The following RBFOX1 variants were observed in gnomAD, a reference collection of about 807,000 sequenced individuals.
RBFOX1 encodes the protein RNA binding fox-1 homolog 1, also known as RNA binding protein fox-1 homolog 1.
Under a neutral mutation model 57.7 loss-of-function variants are expected in RBFOX1, and 8 were observed. The observed-to-expected ratio is 0.14, with a 90% confidence interval of 0.08 to 0.25. The LOEUF is 0.25. Ranked by LOEUF, RBFOX1 falls within the 10% of genes least tolerant of loss-of-function variation. The pLI is 1.00. For synonymous variants in RBFOX1, 326 were observed against 222.4 expected (o/e 1.47, Z -4.15); for missense variants, 611 against 548.5 (o/e 1.11, Z -1.14).
chr16:7,595,223 T>C (rs1205193573), intron 7 of RBFOX1, among the ~76,000 whole-genome samples: 1 of 152,252 alleles, frequency 6.6e-6, no homozygotes, highest in Non-Finnish European at 1.5e-5. Context: ...TTTTATTCTC[T>C]GTGAAGACAC....
chr16:5,944,601 G>T (rs1047592886), intron 4 of RBFOX1, among the ~76,000 whole-genome samples: 6 of 151,322 alleles, frequency 4.0e-5, no homozygotes, highest in African/African-American at 1.5e-4. Flanking sequence ...AAGTCAGATG[G>T]AGGCAACGAG....
chr16:7,584,794 T>A (rs573988707), intron 6 of RBFOX1, among the ~76,000 whole-genome samples: 1 of 152,352 alleles, frequency 6.6e-6, no homozygotes, highest in East Asian at 1.9e-4. Flanking sequence ...ATAAATATAG[T>A]ACACAACTGT....
At chr16:6,786,198 C>G (rs561257093) in intron 3 of RBFOX1, among the ~76,000 whole-genome samples, 93 of 152,290 alleles carry the variant, frequency 6.1e-4, no homozygotes, top group Admixed American at 1.3e-3. Context: ...ACTCCTCATT[C>G]CTTGGGGAGG....
chr16:7,273,805 A>G (rs2095387658), intron 4 of RBFOX1, among the ~76,000 whole-genome samples: 1 of 152,208 alleles, frequency 6.6e-6, no homozygotes, highest in Middle Eastern at 3.4e-3. Context: ...AAACTTGTTT[A>G]TTTTTCCAGG....
chr16:5,756,671 C>G lies in RBFOX1; in HGVS notation c.319-110632C>G, dbSNP rs577178596. ...CAGCCATCGAATGACTAATTGATAA[C>G]TAATTTCCTCAATTTGTACTTCATT... On this transcript the variant is annotated intron_variant, in intron 3 of 19. Transcript: ENST00000641259. Among the ~76,000 whole-genome samples the G allele has an allele frequency of 1.6e-4, 24 of 152,290 alleles. 1 individual carries two copies. In the South Asian group the frequency reaches 5.0e-3, roughly 32 times the overall value.
intron 3 of RBFOX1, among the ~76,000 whole-genome samples, chr16:6,677,679 G>A (rs1335265755): frequency 1.3e-5 from 2 of 152,164 alleles, no homozygotes; most frequent in East Asian, 3.8e-4. Flanking sequence ...AAGTTGGACG[G>A]CTGTATCCAT....
Position 7,712,300 on chromosome 16 carries a change from C to A in RBFOX1, c.*1555C>A, listed in dbSNP as rs1034652443. ...TAAGTCCTCATGTGTACAGTGCAGG[C>A]CCTGTGGCCCGCACTTCAGTAAGTT... On this transcript the variant is annotated 3_prime_UTR_variant, in exon 16 of 16. Transcript: ENST00000550418. 5.9e-5 allele frequency: 9 copies of A among 152,598 alleles called. No individual in the cohort carries two copies. Among genetic ancestry groups the A allele is most frequent in the African/African-American group, 2.2e-4 (9 of 41,442 alleles). The allele number at this position is 152,598 out of a possible 1,614,324, so 9.5% of individuals were successfully genotyped here.
At chr16:6,578,598 C>CGTGTGTGGGTGTGTGTGTGTGT in intron 2 of RBFOX1, among the ~76,000 whole-genome samples, 1 of 110,748 alleles carries the variant, frequency 9.0e-6, no homozygotes, top group African/African-American at 2.9e-5. Context: ...GGTGTGTGTG[C>CGTGTGTGGGTGTGTGTGTGTGT]GTGTGTGTGT....
In RBFOX1 at chr16:5,392,527, A is replaced by T. The variant is rs573931525; in HGVS notation, c.220-74689A>T. On this transcript the variant is annotated intron_variant, in intron 1 of 2. Coordinates refer to the RBFOX1 transcript ENST00000585867. ...AGTATGTCTAATGATATATATATATATATTTTTTTTCTTTTTTTCTTTTTT... is the reference window on the plus strand; with the variant it reads ...AGTATGTCTAATGATATATATATATTTATTTTTTTTCTTTTTTTCTTTTTT... Among the ~76,000 whole-genome samples the T allele has an allele frequency of 1.4e-3, 212 of 150,056 alleles. 2 individuals carry two copies. The highest frequency in any genetic ancestry group is 3.1e-3 in the South Asian group (15 of 4,764).
At chr16:5,535,849 CTA>C (rs1464318155) in intron 2 of RBFOX1, among the ~76,000 whole-genome samples, 2 of 152,196 alleles carry the variant, frequency 1.3e-5, no homozygotes, top group African/African-American at 4.8e-5. Context: ...TTCTGAGATA[CTA>C]TCTAATTTGG....
At chr16:5,676,721 T>G (rs933078032) in intron 3 of RBFOX1, among the ~76,000 whole-genome samples, 1 of 152,130 alleles carries the variant, frequency 6.6e-6, no homozygotes, top group Non-Finnish European at 1.5e-5. Flanking sequence ...AACTAGCCAG[T>G]TGTGGCAGCA....
Position 7,328,238 on chromosome 16 carries a change from T to G in RBFOX1, c.28-189909T>G, listed in dbSNP as rs186244733. 4.0e-3 allele frequency among the ~76,000 whole-genome samples: 614 copies of G among 152,048 alleles called. 3 individuals are homozygous for G. Among genetic ancestry groups the G allele is most frequent in the Non-Finnish European group, 7.0e-3 (478 of 67,978 alleles). ...GGCTCATGCCTGTAATCCCAGCACT[T>G]TGGGAGGCTGCGGCAGGTAGATCAT... On this transcript the variant is annotated intron_variant, in intron 4 of 15. Coordinates refer to ENST00000550418, the MANE Select transcript of RBFOX1 (RefSeq NM_018723.4).
At chr16:7,431,974 A>T (rs2098685304) in intron 4 of RBFOX1, among the ~76,000 whole-genome samples, 2 of 152,354 alleles carry the variant, frequency 1.3e-5, no homozygotes, top group South Asian at 4.1e-4. Flanking sequence ...GATGCCAAGC[A>T]TTCCCACCAG....
intron 4 of RBFOX1, among the ~76,000 whole-genome samples, chr16:7,353,602 G>C (rs1352840231): frequency 6.6e-6 from 1 of 152,168 alleles, no homozygotes; most frequent in Non-Finnish European, 1.5e-5. Context: ...AGATGATATA[G>C]CATACAATGG....
chr16:6,643,199 T>G (rs1053844726), intron 2 of RBFOX1, among the ~76,000 whole-genome samples: 8 of 152,188 alleles, frequency 5.3e-5, no homozygotes, highest in African/African-American at 1.2e-4. Context: ...TTAAAAAGTT[T>G]ACGGACCTGA....
At chr16:7,520,177 G>T (rs113634349) in intron 5 of RBFOX1, among the ~76,000 whole-genome samples, 3 of 152,172 alleles carry the variant, frequency 2.0e-5, no homozygotes, top group Middle Eastern at 3.4e-3. Flanking sequence ...GAGCCACCGC[G>T]CCCGGCCTAG....
chr16:5,317,707 T>A (rs985167768), intron 1 of RBFOX1, among the ~76,000 whole-genome samples: 8 of 152,212 alleles, frequency 5.3e-5, no homozygotes, highest in African/African-American at 1.9e-4. Context: ...AAATGTTTGT[T>A]TTCTTTTGTT....
intron 1 of RBFOX1, among the ~76,000 whole-genome samples, chr16:6,243,604 C>A (rs549757778): frequency 1.3e-5 from 2 of 152,284 alleles, no homozygotes; most frequent in East Asian, 3.9e-4. Flanking sequence ...AGACTCGGGT[C>A]AGGTGGACCC....
intron 5 of RBFOX1, among the ~76,000 whole-genome samples, chr16:7,532,839 T>C (rs2080459908): frequency 6.6e-6 from 1 of 152,254 alleles, no homozygotes; most frequent in Admixed American, 6.5e-5. Flanking sequence ...GCCAAAATTA[T>C]GCTTATTGTT....
Sources: gnomAD v4.1 joint callset for allele counts (sites outside exome capture counted in the v4.1 genomes callset) on GRCh38, gnomAD v4.1.1 for gene constraint, MANE v1.5 for transcripts, NCBI Gene and HGNC (gene_info 2026-07-23, HGNC 2026-07-21) for gene names.